Variants in CCDC97 observed in about 807,000 individuals in gnomAD.
CCDC97 encodes coiled-coil domain containing 97.
Under a neutral mutation model 33.9 loss-of-function variants are expected in CCDC97, and 27 were observed. The observed-to-expected ratio is 0.80, with a 90% CI of 0.59 to 1.10. The LOEUF (loss-of-function observed/expected upper bound fraction) is 1.10. Ranked by LOEUF, CCDC97 falls within the 50% of genes least tolerant of loss-of-function variation. CCDC97 has a pLI of 0.00. For missense variants in CCDC97, 422 were observed against 476.6 expected, an observed-to-expected ratio of 0.89 and a Z score of 1.07; for synonymous variants, 217 against 194.0, an observed-to-expected ratio of 1.12 and a Z score of -0.99.
chr19:41,321,059 G>C (rs1466929241), intron 4 of CCDC97, among the ~76,000 whole-genome samples: 2 of 152,242 alleles, frequency 1.3e-5, no homozygotes, highest in African/African-American at 4.8e-5. Flanking sequence ...CCCAGCAGCA[G>C]AGGACCCTCC....
chr19:41,322,902 CT>C lies in CCDC97; in HGVS notation c.*190del. On this transcript the variant is annotated 3_prime_UTR_variant, in exon 5 of 5. Coordinates refer to ENST00000269967, the MANE Select transcript of CCDC97 (RefSeq NM_052848.3). ...CCACCCCCACTGTTTCTGGGGTTCC[CT>C]TTCTCATCTCTCCCACCCTGTCTCC... 1.9e-6 allele frequency: 1 copy of C among 515,896 alleles called. No individual in the cohort carries two copies. Among genetic ancestry groups the C allele is most frequent in the Non-Finnish European group, 3.3e-6 (1 of 302,856 alleles). 32.0% of individuals were successfully genotyped at this position (515,896 alleles called of 1,614,324 possible). A position where few individuals can be genotyped will look rare whatever the true frequency, so the allele number is the denominator to read the frequency against.
chr19:41,322,111 T>A (rs1334848420), intron 4 of CCDC97, among the ~76,000 whole-genome samples: 1 of 152,202 alleles, frequency 6.6e-6, no homozygotes, highest in Non-Finnish European at 1.5e-5. Context: ...TGGGGTTTTT[T>A]TTAGACAGGG....
chr19:41,322,560 GA>G, intron 4 of CCDC97, 34 bp from the exon 5 acceptor site: 2 of 1,605,204 alleles, frequency 1.2e-6, no homozygotes, highest in Non-Finnish European at 1.7e-6. Flanking sequence ...GGGTCCCAGG[GA>G]GACCCAGTCC....
chr19:41,313,480 T>A (rs1269303544), intron 1 of CCDC97, among the ~76,000 whole-genome samples: 1 of 152,204 alleles, frequency 6.6e-6, no homozygotes, highest in African/African-American at 2.4e-5. Flanking sequence ...GCCCCTGCCC[T>A]TGTCCAGCTC....
In CCDC97 at chr19:41,322,932, CTCTG is replaced by C. The variant is rs1416038761; in HGVS notation, c.*221_*224del. On this transcript the variant is annotated 3_prime_UTR_variant, in exon 5 of 5. Coordinates refer to ENST00000269967, the MANE Select transcript of CCDC97 (RefSeq NM_052848.3). Reference sequence around the variant, plus strand: ...TCATCTCTCCCACCCTGTCTCCTGCCTCTGTCTTTCTTGGTGTCTGTCTGGGCTT... The same window carrying C: ...TCATCTCTCCCACCCTGTCTCCTGCCTCTTTCTTGGTGTCTGTCTGGGCTT... 3 of 414,186 alleles carry C rather than the reference CTCTG, an allele frequency of 7.2e-6. No homozygotes were observed. The highest frequency in any genetic ancestry group is 3.3e-5 in the South Asian group (1 of 30,452). The allele number at this position is 414,186 out of a possible 1,614,324, so 25.7% of individuals were successfully genotyped here.
Position 41,322,619 on chromosome 19 carries a change from C to T in CCDC97, c.936C>T (p.Phe312=), listed in dbSNP as rs752349274. The change falls in exon 5 of 5, where the codon TTC becomes TTT. Residue 312 remains phenylalanine (F), a synonymous_variant. Transcript: ENST00000269967. ...GCACAGTAGACGACAACCCCGACTT[C>T]GACAACCTCGACATCGTGGCACGGG... ...DYSTVDDNPD[F]DNLDIVARDE... is the part of the protein sequence containing the mutation. 9.3e-6 allele frequency: 15 copies of T among 1,613,580 alleles called. No individual in the cohort carries two copies. The highest frequency in any genetic ancestry group is 1.2e-5 in the Non-Finnish European group (14 of 1,179,758).
chr19:41,319,248 C>T (rs1174903204), intron 2 of CCDC97, among the ~76,000 whole-genome samples: 1 of 152,258 alleles, frequency 6.6e-6, no homozygotes, highest in Non-Finnish European at 1.5e-5. Context: ...CACATACACA[C>T]ACTCAGGTGC....
chr19:41,322,372 A>G (rs2037832882), intron 4 of CCDC97, among the ~76,000 whole-genome samples: 1 of 152,242 alleles, frequency 6.6e-6, no homozygotes, highest in African/African-American at 2.4e-5. Context: ...GATTGCAGGC[A>G]TGAGCCACCA....
At chr19:41,321,908 G>A (rs574080196) in intron 4 of CCDC97, among the ~76,000 whole-genome samples, 122 of 152,328 alleles carry the variant, frequency 8.0e-4, no homozygotes, top group African/African-American at 2.9e-3. Flanking sequence ...CCTGCCTGTG[G>A]TCAGCTCTGG....
chr19:41,312,183 A>C (rs1249469404), intron 1 of CCDC97, among the ~76,000 whole-genome samples: 1 of 152,194 alleles, frequency 6.6e-6, no homozygotes, highest in Non-Finnish European at 1.5e-5. Context: ...TCCCAGGTTC[A>C]AGTGATTCCC....
intron 2 of CCDC97, among the ~76,000 whole-genome samples, chr19:41,317,631 G>C (rs554260524): frequency 1.3e-5 from 2 of 151,650 alleles, no homozygotes; most frequent in Non-Finnish European, 1.5e-5. Flanking sequence ...AGAATTGCTT[G>C]AGCCTGGGAG....
chr19:41,317,976 G>C lies in CCDC97; in HGVS notation c.502+1137G>C, dbSNP rs186107809. 3.3e-3 allele frequency among the ~76,000 whole-genome samples: 493 copies of C among 150,300 alleles called. 1 individual carries two copies. Among genetic ancestry groups the C allele is most frequent in the Non-Finnish European group, 5.8e-3 (389 of 67,508 alleles). ...TGAGGGAGGAGAATTACATGAATCT[G>C]GGAGGTGGAGGTTGCCAAAAAAAAA... On this transcript the variant is annotated intron_variant, in intron 2 of 4. Coordinates refer to ENST00000269967, the MANE Select transcript of CCDC97 (RefSeq NM_052848.3).
rs1213306625 is a variant in CCDC97 at position 41,322,879 on chromosome 19, AC to A, written c.*169del. 3.1e-6 allele frequency: 2 copies of A among 645,954 alleles called. No homozygotes were observed. Among genetic ancestry groups the A allele is most frequent in the Non-Finnish European group, 4.8e-6 (2 of 415,554 alleles). The allele number at this position is 645,954 out of a possible 1,614,324, so 40.0% of individuals were successfully genotyped here. A position where few individuals can be genotyped will look rare whatever the true frequency, so the allele number is the denominator to read the frequency against. The stretch of plus-strand genomic sequence containing the variant: ...TCTAGTCTCATCTCAGACAACCCCC[AC>A]CCCCACTGTTTCTGGGGTTCCCTTT... On this transcript the variant is annotated 3_prime_UTR_variant, in exon 5 of 5. Coordinates refer to ENST00000269967, the MANE Select transcript of CCDC97 (RefSeq NM_052848.3).
rs1367128404 is a variant in CCDC97, at chr19:41,323,198, C to T, written c.*483C>T. 1.3e-5 allele frequency: 2 copies of T among 158,514 alleles called. No individual in the cohort carries two copies. The highest frequency in any genetic ancestry group is 4.8e-5 in the African/African-American group (2 of 41,486). 9.8% of individuals were successfully genotyped at this position (158,514 alleles called of 1,614,324 possible). A position where few individuals can be genotyped will look rare whatever the true frequency, so the allele number is the denominator to read the frequency against. On this transcript the variant is annotated 3_prime_UTR_variant, in exon 5 of 5. Coordinates refer to ENST00000269967, the MANE Select transcript of CCDC97 (RefSeq NM_052848.3). The stretch of plus-strand genomic sequence containing the variant: ...CCCCTAGGCCCCAGCGCAGCTGCCT[C>T]CCGTGCTGTCTGTCTCCCCCTCTCT...
At chr19:41,318,727 T>G (rs1383478680) in intron 2 of CCDC97, among the ~76,000 whole-genome samples, 2 of 151,824 alleles carry the variant, frequency 1.3e-5, no homozygotes, top group Non-Finnish European at 2.9e-5. Context: ...AGTTTTGGGG[T>G]AGTGGGGAAG....
At chr19:41,320,540 CT>C (rs1205028667) in intron 4 of CCDC97, 70 bp downstream of exon 4, 1 of 1,591,566 alleles carries the variant, frequency 6.3e-7, no homozygotes, top group Admixed American at 1.7e-5. Flanking sequence ...ATGCAGAGCC[CT>C]TAACAAGCTG....
chr19:41,311,861 T>A (rs1286608751), intron 1 of CCDC97, among the ~76,000 whole-genome samples: 1 of 152,174 alleles, frequency 6.6e-6, no homozygotes, highest in African/African-American at 2.4e-5. Context: ...TTTGCACTAT[T>A]GCATTGCAGT....
rs779586993 is a variant in CCDC97, at chr19:41,316,859, G to A, written c.502+20G>A. 15 of 1,554,948 alleles carry A rather than the reference G, an allele frequency of 9.6e-6. No individual in the cohort carries two copies. In the South Asian group the frequency reaches 1.4e-4, roughly 14 times the overall value. ...TCCAAGGTGTGGGGGCCAGATGGGC[G>A]ACAGTGGGCACATATGGGGAGGGAG... is the stretch of plus-strand genomic sequence containing the variant. On this transcript the variant is annotated intron_variant, in intron 2 of 4. Transcript: ENST00000269967.
At chr19:41,312,290 G>A (rs1458582935) in intron 1 of CCDC97, among the ~76,000 whole-genome samples, 1 of 152,156 alleles carries the variant, frequency 6.6e-6, no homozygotes, top group Non-Finnish European at 1.5e-5. Flanking sequence ...TCACCATGTT[G>A]GCCAGGCTGG....
Sources: gnomAD v4.1 joint callset for allele counts (sites outside exome capture counted in the v4.1 genomes callset) on GRCh38, gnomAD v4.1.1 for gene constraint, MANE v1.5 for transcripts, NCBI Gene and HGNC (gene_info 2026-07-23, HGNC 2026-07-21) for gene names.